The following DENND4C variants were observed in gnomAD, a reference collection of about 807,000 sequenced individuals.
DENND4C encodes DENN domain-containing protein 4C.
A neutral mutation model predicts 203.0 loss-of-function variants in DENND4C; 108 were observed. The observed-to-expected ratio is 0.53, with a 90% CI of 0.46 to 0.62. DENND4C has a LOEUF of 0.62. DENND4C is among the 20% of genes least tolerant of loss of function. The pLI is 0.00. For missense variants in DENND4C, 2,481 were observed against 2,301.2 expected, an observed-to-expected ratio of 1.08 and a Z score of -1.60; for synonymous variants, 871 against 792.4, an observed-to-expected ratio of 1.10 and a Z score of -1.67.
intron 1 of DENND4C, among the ~76,000 whole-genome samples, chr9:19,245,466 C>CAAG (rs1554709008): frequency 7.1e-6 from 1 of 139,970 alleles, no homozygotes; most frequent in Non-Finnish European, 1.5e-5. Context: ...GACTCAGTCT[C>CAAG]AAAAAAAAAA....
rs984745257 is a variant in DENND4C, at chr9:19,342,677, A to G, written c.3049A>G (p.Ser1017Gly). 1 of 1,612,530 alleles carries G rather than the reference A, an allele frequency of 6.2e-7. No individual in the cohort carries two copies. ...SAIVAKHSQP[S>G]PEPHSPTEPP... ...TATTGTGGCAAAACATTCACAACCTAGTCCAGAGCCTCACAGTCCTACTGA... is the reference window on the plus strand; with the variant it reads ...TATTGTGGCAAAACATTCACAACCTGGTCCAGAGCCTCACAGTCCTACTGA... The change falls in exon 22 of 33, where the codon AGT becomes GGT. Residue 1017 changes from serine (S) to glycine (G), a missense_variant. Physicochemically the swap from Ser to Gly is moderately conservative, Grantham distance 56. Around this residue, in one of 3 missense-constraint regions of DENND4C, gnomAD observed 2,289 missense variants for 2,113.3 expected, o/e 1.08. Transcript: ENST00000434457.
Position 19,372,255 on chromosome 9 carries a change from C to T in DENND4C, c.*82C>T, listed in dbSNP as rs1219469923. Reference sequence around the variant, plus strand: ...AACATTCAAGTTTTTTTTTCCAAATCGTAAGAACTGGTGAATACGGAATTG... The same window carrying T: ...AACATTCAAGTTTTTTTTTCCAAATTGTAAGAACTGGTGAATACGGAATTG... On this transcript the variant is annotated 3_prime_UTR_variant, in exon 33 of 33. Coordinates refer to ENST00000434457, the MANE Select transcript of DENND4C (RefSeq NM_001330640.2). 7.9e-6 allele frequency: 12 copies of T among 1,510,342 alleles called. No homozygotes were observed. Among genetic ancestry groups the T allele is most frequent in the South Asian group, 2.6e-5 (2 of 78,266 alleles). The allele number at this position is 1,510,342 out of a possible 1,614,324, so 93.6% of individuals were successfully genotyped here.
chr9:19,275,919 T>C (rs1193417144), intron 1 of DENND4C, among the ~76,000 whole-genome samples: 4 of 152,152 alleles, frequency 2.6e-5, no homozygotes, highest in Admixed American at 2.6e-4. Flanking sequence ...AGTTTAATTA[T>C]CCTTAATAGA....
At chr9:19,345,063 A>C (rs1440708643) in intron 22 of DENND4C, among the ~76,000 whole-genome samples, 1 of 152,150 alleles carries the variant, frequency 6.6e-6, no homozygotes, top group Non-Finnish European at 1.5e-5. Flanking sequence ...TGTCACACTG[A>C]GGGTTAGGAT....
rs116533797 is a variant in DENND4C, at chr9:19,323,463, A to G, written c.1808-899A>G. 6.1e-3 allele frequency among the ~76,000 whole-genome samples: 924 copies of G among 151,992 alleles called. 7 individuals carry two copies. Among genetic ancestry groups the G allele is most frequent in the African/African-American group, 0.021 (876 of 41,478 alleles). ...AAAAAAAAGGAATGAAGAAGAATCT[A>G]AAGTGTTTTCATGGTTTGTGCTTCT... is the stretch of plus-strand genomic sequence containing the variant. On this transcript the variant is annotated intron_variant, in intron 12 of 32. Coordinates refer to ENST00000434457, the MANE Select transcript of DENND4C (RefSeq NM_001330640.2).
At chr9:19,305,781 C>T (rs1449010767) in intron 10 of DENND4C, among the ~76,000 whole-genome samples, 3 of 152,040 alleles carry the variant, frequency 2.0e-5, no homozygotes, top group Non-Finnish European at 2.9e-5. Flanking sequence ...TTATGTTTAT[C>T]AGAAGAGACT....
At chr9:19,329,402 T>C (rs1477742996) in intron 16 of DENND4C, among the ~76,000 whole-genome samples, 2 of 152,250 alleles carry the variant, frequency 1.3e-5, no homozygotes, top group African/African-American at 4.8e-5. Context: ...ATAATTTTTA[T>C]TGCTGAATAA....
chr9:19,360,834 T>A (rs1464418402), intron 29 of DENND4C, among the ~76,000 whole-genome samples: 1 of 152,198 alleles, frequency 6.6e-6, no homozygotes. Flanking sequence ...GAGTTGTAGA[T>A]AATATTTCTA....
chr9:19,235,469 A>G (rs564705955), intron 1 of DENND4C, among the ~76,000 whole-genome samples: 2 of 152,346 alleles, frequency 1.3e-5, no homozygotes, highest in Middle Eastern at 3.4e-3. Flanking sequence ...AACTTATGAT[A>G]TAAGAAGTAA....
intron 1 of DENND4C, among the ~76,000 whole-genome samples, chr9:19,234,920 A>C (rs1821533974): frequency 6.8e-6 from 1 of 147,510 alleles, no homozygotes; most frequent in Non-Finnish European, 1.5e-5. Context: ...ATGCCAAATT[A>C]CTTTTTGAAA....
chr9:19,288,387 A>C (rs1326390818), intron 3 of DENND4C, among the ~76,000 whole-genome samples: 10 of 152,184 alleles, frequency 6.6e-5, no homozygotes, highest in Non-Finnish European at 1.3e-4. Flanking sequence ...CCTTCATATC[A>C]GTTTGATTTT....
chr9:19,304,761 G>C (rs1417799134), intron 9 of DENND4C, among the ~76,000 whole-genome samples: 4 of 148,732 alleles, frequency 2.7e-5, no homozygotes, highest in Non-Finnish European at 6.0e-5. Flanking sequence ...TTGTTAGCCA[G>C]GATGGTCTCG....
Position 19,369,904 on chromosome 9 carries a change from C to G in DENND4C, c.5592C>G (p.Ile1864Met). The G allele has an allele frequency of 6.2e-7, 1 of 1,613,724 alleles. No homozygotes were observed. Among genetic ancestry groups the G allele is most frequent in the Non-Finnish European group, 8.5e-7 (1 of 1,179,850 alleles). Residue 1864 changes from isoleucine to methionine, a missense_variant, in exon 31 of 33, where the codon ATC (isoleucine) becomes ATG (methionine). Around this residue, in one of 3 missense-constraint regions of DENND4C, gnomAD observed 2,289 missense variants for 2,113.3 expected, o/e 1.08. Transcript: ENST00000434457. ...QQETSTLVET[I>M]RQSIQHNNVL... ...AAACAAGCACTTTAGTAGAAACCAT[C>G]AGGCAGAGTATTCAGCACAATAATG...
chr9:19,296,158 C>T lies in DENND4C; in HGVS notation c.952C>T (p.His318Tyr). The T allele has an allele frequency of 6.2e-7, 1 of 1,613,964 alleles. No individual in the cohort carries two copies. The change falls in exon 6 of 33, where the codon CAC becomes TAC. Residue 318 changes from histidine to tyrosine, a missense_variant. Coordinates refer to ENST00000434457, the MANE Select transcript of DENND4C (RefSeq NM_001330640.2). ...NTNKCICLLS[H>Y]WPFFEAFRKF... Reference sequence around the variant, plus strand: ...AAACAAATGCATTTGTTTACTCTCACACTGGCCTTTTTTTGAAGCTTTTAG... The same window carrying T: ...AAACAAATGCATTTGTTTACTCTCATACTGGCCTTTTTTTGAAGCTTTTAG...
intron 3 of DENND4C, 106 bp downstream of exon 3, chr9:19,287,127 G>A: frequency 2.0e-6 from 2 of 1,008,942 alleles, no homozygotes; most frequent in Non-Finnish European, 2.5e-6. Flanking sequence ...ATATTTTCAT[G>A]ATGCTTGTTT....
intron 1 of DENND4C, among the ~76,000 whole-genome samples, chr9:19,267,117 C>G (rs1165085608): frequency 2.6e-5 from 4 of 152,066 alleles, no homozygotes. Context: ...CTGTAAGTAT[C>G]TGTTTGGTCC....
At chr9:19,322,819 A>C (rs1039106612) in intron 12 of DENND4C, among the ~76,000 whole-genome samples, 2 of 152,052 alleles carry the variant, frequency 1.3e-5, no homozygotes, top group Non-Finnish European at 2.9e-5. Context: ...AAAAACCCAA[A>C]AAACCCTAAA....
At chr9:19,262,467 A>T (rs1001991030) in intron 1 of DENND4C, among the ~76,000 whole-genome samples, 3 of 120,692 alleles carry the variant, frequency 2.5e-5, no homozygotes, top group African/African-American at 3.6e-5. Context: ...TTTTTGAGAC[A>T]GTCACCCAGG....
chr9:19,249,372 C>G (rs998478734), intron 1 of DENND4C, among the ~76,000 whole-genome samples: 1 of 151,170 alleles, frequency 6.6e-6, no homozygotes, highest in African/African-American at 2.4e-5. Flanking sequence ...CCTGCCTCAG[C>G]CTCCCGAGTA....
Sources: allele counts gnomAD v4.1 joint callset (sites outside exome capture counted in the v4.1 genomes callset), GRCh38; gene constraint gnomAD v4.1.1; regional missense constraint gnomAD v4.1.1; transcripts MANE v1.5; gene names NCBI Gene and HGNC (gene_info 2026-07-23, HGNC 2026-07-21).